The following PDLIM3 variants were observed in gnomAD, a reference collection of about 807,000 sequenced individuals.
The protein encoded by PDLIM3 is PDZ and LIM domain protein 3.
In PDLIM3, 36 loss-of-function variants were observed where a neutral mutation model predicts 37.3. That is an observed-to-expected ratio of 0.97 (90% CI 0.74 to 1.28). PDLIM3 has a LOEUF of 1.28. PDLIM3 is among the 50% of genes most tolerant of loss of function. The probability of loss-of-function intolerance (pLI) is 0.00; values close to 1 mark genes in which losing one functional copy is unlikely to be tolerated. For synonymous variants in PDLIM3, 174 were observed against 182.4 expected, an observed-to-expected ratio of 0.95 and a Z score of 0.37; for missense variants, 454 against 485.0, an observed-to-expected ratio of 0.94 and a Z score of 0.60.
chr4:185,516,014 C>T (rs1239031713), intron 3 of PDLIM3: 1 of 152,152 alleles, frequency 6.6e-6, no homozygotes, highest in Non-Finnish European at 1.5e-5. Flanking sequence ...GATTCTCCTG[C>T]CTCAGTCTCC....
At chr4:185,525,397 T>C (rs1300220084) in intron 1 of PDLIM3, among the ~76,000 whole-genome samples, 1 of 152,230 alleles carries the variant, frequency 6.6e-6, no homozygotes, top group Non-Finnish European at 1.5e-5. Flanking sequence ...TCCTTGTATC[T>C]GTTACTCTCT....
At position 185,506,449 on chromosome 4, in the gene PDLIM3, T is replaced by TA. The variant is rs2095697338; in HGVS notation, c.793+72_793+73insT. 3.8e-6 allele frequency: 6 copies of TA among 1,587,204 alleles called. No homozygotes were observed. In the African/African-American group the frequency reaches 8.0e-5, roughly 21 times the overall value. ...TTTAGACTTTCATTCCCAGTATGTT[T>TA]GCTGTCGTCCCCGTCCCGCCCCCTG... On this transcript the variant is annotated intron_variant, in intron 6 of 7. Coordinates refer to ENST00000284767, the MANE Select transcript of PDLIM3 (RefSeq NM_014476.6).
intron 6 of PDLIM3, among the ~76,000 whole-genome samples, 175 bp downstream of exon 6, chr4:185,506,347 T>C (rs2095697080): frequency 1.3e-5 from 2 of 152,184 alleles, no homozygotes; most frequent in African/African-American, 4.8e-5. Context: ...TCCTGGAATC[T>C]CCTTTTTTAA....
rs1294928335 is a variant in PDLIM3, at chr4:185,521,638, CTT to C, written c.330+1722_330+1723del. Among the ~76,000 whole-genome samples the C allele has an allele frequency of 7.6e-5, 5 of 65,484 alleles. 2 individuals are homozygous for C. The highest frequency in any genetic ancestry group is 3.1e-4 in the Non-Finnish European group (5 of 15,878). 43.0% of individuals were successfully genotyped at this position (65,484 alleles called of 152,430 possible). A position where few individuals can be genotyped will look rare whatever the true frequency, so the allele number is the denominator to read the frequency against. On this transcript the variant is annotated intron_variant, in intron 3 of 7. Coordinates refer to ENST00000284767, the MANE Select transcript of PDLIM3 (RefSeq NM_014476.6). ...TCTCAAACTCCAGGGCTCAAGCAAT[CTT>C]TTTGCCTCTGCCTCCCAAAGGATTA... is the stretch of plus-strand genomic sequence containing the variant.
rs1021992563 is a variant in PDLIM3 at position 185,505,640 on chromosome 4, TAAAG to T, written c.793+878_793+881del. ...ATCTCAAAAAAGAAAAAAAAAAAAA[TAAAG>T]AATCTGTTTGAGTCCCTGCTTTCAA... On this transcript the variant is annotated intron_variant, in intron 6 of 7. Transcript: ENST00000284767. Among the ~76,000 whole-genome samples, 94 of 135,988 alleles carry T rather than the reference TAAAG, an allele frequency of 6.9e-4. No individual in the cohort carries two copies. The South Asian group carries it at 0.012, about 17-fold the overall frequency. The allele number at this position is 135,988 out of a possible 152,430, so 89.2% of individuals were successfully genotyped here.
intron 1 of PDLIM3, among the ~76,000 whole-genome samples, chr4:185,530,271 T>C (rs1341871961): frequency 6.6e-6 from 1 of 152,262 alleles, no homozygotes; most frequent in African/African-American, 2.4e-5. Context: ...TGCATTCCAT[T>C]GCAAACAGTC....
rs780025014 is a variant in PDLIM3, at chr4:185,502,274, C to T, written c.*20G>A. The T allele has an allele frequency of 2.5e-5, 41 of 1,612,232 alleles. No individual in the cohort carries two copies. The African/African-American group carries it at 2.7e-4, about 11-fold the overall frequency. ...GTGCGCGTGGGTGGGTGCGTGCGTG[C>T]GTGCCACGCCTGCAGAGACTTAAGC... On this transcript the variant is annotated 3_prime_UTR_variant, in exon 8 of 8. Coordinates refer to ENST00000284767, the MANE Select transcript of PDLIM3 (RefSeq NM_014476.6).
At chr4:185,516,845 AAAG>A (rs2095715788) in intron 3 of PDLIM3, 2 of 152,218 alleles carry the variant, frequency 1.3e-5, no homozygotes, top group African/African-American at 4.8e-5. Flanking sequence ...CTGAACCCAA[AAAG>A]AAGGTCTGAG....
At chr4:185,506,312 T>G (rs1036297828) in intron 6 of PDLIM3, among the ~76,000 whole-genome samples, 6 of 152,216 alleles carry the variant, frequency 3.9e-5, no homozygotes, top group Non-Finnish European at 8.8e-5. Flanking sequence ...CTTTTGTGAC[T>G]TCACTTGGTG....
At chr4:185,530,390 A>G (rs188199922) in intron 1 of PDLIM3, among the ~76,000 whole-genome samples, 15 of 152,352 alleles carry the variant, frequency 9.8e-5, no homozygotes, top group Admixed American at 5.9e-4. Context: ...CAAATTAGGA[A>G]CACACTAACT....
chr4:185,532,753 G>T (rs1190862284), intron 1 of PDLIM3, among the ~76,000 whole-genome samples: 2 of 152,226 alleles, frequency 1.3e-5, no homozygotes, highest in Non-Finnish European at 2.9e-5. Flanking sequence ...GGATTTTTAA[G>T]AATGAGAAAG....
At chr4:185,512,756 T>C (rs1324640983) in intron 4 of PDLIM3, 1 of 984,866 alleles carries the variant, frequency 1.0e-6, no homozygotes, top group Non-Finnish European at 1.2e-6. Flanking sequence ...TTTACTATGC[T>C]TCTTTGGGAA....
chr4:185,514,363 C>T lies in PDLIM3; in HGVS notation c.331-26G>A, dbSNP rs1365409369. 6.2e-7 allele frequency: 1 copy of T among 1,614,152 alleles called. No homozygotes were observed. The highest frequency in any genetic ancestry group is 8.5e-7 in the Non-Finnish European group (1 of 1,180,028). The stretch of plus-strand genomic sequence containing the variant: ...CTGTGAAAACAAAGCGTTAAAAAGG[C>T]CCTCAGTGGAAGGCGGACACTGTTG... On this transcript the variant is annotated intron_variant, in intron 3 of 7. Coordinates refer to ENST00000284767, the MANE Select transcript of PDLIM3 (RefSeq NM_014476.6). This position sits in a 1 kb window ranked among gnomAD's most constrained non-coding sequence, Gnocchi z 4.0.
chr4:185,521,230 G>A (rs1454906756), intron 3 of PDLIM3, among the ~76,000 whole-genome samples: 1 of 64,924 alleles, frequency 1.5e-5, no homozygotes, highest in African/African-American at 2.8e-5. Context: ...TTGACTAGAG[G>A]TGTCATTATT....
At chr4:185,530,358 C>G (rs1173915622) in intron 1 of PDLIM3, among the ~76,000 whole-genome samples, 1 of 152,212 alleles carries the variant, frequency 6.6e-6, no homozygotes, top group African/African-American at 2.4e-5. Context: ...AAGTCATACA[C>G]TGTTCTATCT....
Position 185,502,600 on chromosome 4 carries a change from C to T in PDLIM3, c.906-117G>A, listed in dbSNP as rs540962901. On this transcript the variant is annotated intron_variant, in intron 7 of 7. Coordinates refer to ENST00000284767, the MANE Select transcript of PDLIM3 (RefSeq NM_014476.6). ...CTATTTCACAGTCAGGAAACAATGGCCTCCAGCTGTGAAAGCAGGCACAGC... is the reference window on the plus strand; with the variant it reads ...CTATTTCACAGTCAGGAAACAATGGTCTCCAGCTGTGAAAGCAGGCACAGC... The T allele has an allele frequency of 3.1e-5, 29 of 922,932 alleles. No individual in the cohort carries two copies. In the African/African-American group the frequency reaches 3.7e-4, roughly 12 times the overall value. The allele number at this position is 922,932 out of a possible 1,614,324, so 57.2% of individuals were successfully genotyped here. A position where few individuals can be genotyped will look rare whatever the true frequency, so the allele number is the denominator to read the frequency against.
intron 2 of PDLIM3, among the ~76,000 whole-genome samples, chr4:185,524,063 G>A (rs1214349328): frequency 6.6e-6 from 1 of 151,920 alleles, no homozygotes; most frequent in Non-Finnish European, 1.5e-5. Context: ...CTCTGCAGAT[G>A]ACCACCAGGC....
At position 185,504,624 on chromosome 4, in the gene PDLIM3, A is replaced by G. The variant is rs1242850963; in HGVS notation, c.794-38T>C. On this transcript the variant is annotated intron_variant, in intron 6 of 7. Transcript: ENST00000284767. This position sits in a 1 kb window ranked among gnomAD's most constrained non-coding sequence, Gnocchi z 4.7. ...GCGTTTCCATTTATGGCTAGGGAACAGCTGGCCGCAGCCTGTGCTTGGCTT... is the reference window on the plus strand; with the variant it reads ...GCGTTTCCATTTATGGCTAGGGAACGGCTGGCCGCAGCCTGTGCTTGGCTT... The G allele has an allele frequency of 6.7e-7, 1 of 1,487,026 alleles. No individual in the cohort carries two copies. Among genetic ancestry groups the G allele is most frequent in the South Asian group, 1.2e-5 (1 of 86,894 alleles). The allele number at this position is 1,487,026 out of a possible 1,614,324, so 92.1% of individuals were successfully genotyped here.
intron 4 of PDLIM3, chr4:185,513,407 GC>G: frequency 1.0e-6 from 1 of 956,356 alleles, no homozygotes; most frequent in Non-Finnish European, 1.2e-6. Context: ...GTCTAGAGGG[GC>G]CAGGAGGTCA....
Sources: allele counts gnomAD v4.1 joint callset (sites outside exome capture counted in the v4.1 genomes callset), GRCh38; gene constraint gnomAD v4.1.1; non-coding constraint Gnocchi (gnomAD v3.1); transcripts MANE v1.5; gene names NCBI Gene and HGNC (gene_info 2026-07-23, HGNC 2026-07-21).